Variants in AHNAK observed in about 807,000 individuals in gnomAD.
The protein encoded by AHNAK is neuroblast differentiation-associated protein AHNAK.
Under a neutral mutation model 37.8 loss-of-function variants are expected in AHNAK, and 23 were observed. The ratio of observed to expected loss-of-function variants is 0.61; its 90% confidence interval spans 0.44 to 0.86. The LOEUF (loss-of-function observed/expected upper bound fraction) is 0.86. AHNAK is among the 40% of genes least tolerant of loss of function. The pLI is 0.00. For synonymous variants in AHNAK, 2,481 were observed against 2,636.3 expected (o/e 0.94, Z 1.80); for missense variants, 7,411 against 7,319.4 (o/e 1.01, Z -0.46).
chr11:62,457,921 T>C (rs1323762536), intron 5 of AHNAK, among the ~76,000 whole-genome samples: 9 of 150,888 alleles, frequency 6.0e-5, no homozygotes. Context: ...TTTTTTTTTT[T>C]TTTTTTTTTG....
intron 5 of AHNAK, among the ~76,000 whole-genome samples, chr11:62,470,114 C>T (rs559401410): frequency 2.3e-4 from 35 of 151,870 alleles, no homozygotes; most frequent in Middle Eastern, 3.4e-3. Flanking sequence ...ACCATCCTGG[C>T]CAACATAGTG....
At position 62,517,453 on chromosome 11, in the gene AHNAK, T is replaced by A; in HGVS notation, c.16964A>T (p.Lys5655Ile). Residue 5655 changes from lysine (K) to isoleucine (I), a missense_variant, in exon 5 of 5, where the codon AAA becomes ATA. Physicochemically the swap from Lys to Ile is moderately radical, Grantham distance 102. Coordinates refer to ENST00000378024, the MANE Select transcript of AHNAK (RefSeq NM_001620.3). ...GATCTTCATTTTAGGGAATGTTACTTTTCCAGATCCACTTTCCAAGTGACC... is the reference window on the plus strand; with the variant it reads ...GATCTTCATTTTAGGGAATGTTACTATTCCAGATCCACTTTCCAAGTGACC... The part of the protein sequence containing the change: ...PQGHLESGSG[K>I]VTFPKMKIPK... 6.2e-7 allele frequency: 1 copy of A among 1,614,150 alleles called. No homozygotes were observed. The highest frequency in any genetic ancestry group is 8.5e-7 in the Non-Finnish European group (1 of 1,180,034).
intron 5 of AHNAK, among the ~76,000 whole-genome samples, chr11:62,472,391 C>G (rs11231098): frequency 0.76 from 115,668 of 151,980 alleles, 50,335 homozygotes; most frequent in Non-Finnish European, 0.96. Flanking sequence ...CCAGTCCTCA[C>G]AACTGTTCTT....
rs186437741 is a variant in AHNAK, at chr11:62,471,295, G to T, written c.442+20437C>A. ...GGGGGGCTTTGGTTGTCGCAACTAG[G>T]GGGGGCTTCCACTGGCATCCAGTGG... is the stretch of plus-strand genomic sequence containing the variant. On this transcript the variant is annotated intron_variant, in intron 5 of 5. Coordinates refer to the AHNAK transcript ENST00000257247. Among the ~76,000 whole-genome samples the T allele has an allele frequency of 2.8e-4, 43 of 152,176 alleles. 1 individual carries two copies. The East Asian group carries it at 7.1e-3, about 25-fold the overall frequency.
chr11:62,492,477 A>G (rs1267095657), intron 4 of AHNAK, among the ~76,000 whole-genome samples: 1 of 152,220 alleles, frequency 6.6e-6, no homozygotes, highest in Non-Finnish European at 1.5e-5. Context: ...TCTGGCAGCA[A>G]CACTGAAACC....
At position 62,532,195 on chromosome 11, in the gene AHNAK, T is replaced by C. The variant is rs748294385; in HGVS notation, c.2222A>G (p.His741Arg). 6.2e-6 allele frequency: 10 copies of C among 1,614,076 alleles called. No homozygotes were observed. The highest frequency in any genetic ancestry group is 8.5e-6 in the Non-Finnish European group (10 of 1,180,038). ...CATCTTCAAGTGCCAGTCTGGGCCA[T>C]GAACATCCACATCTGGGGCATCAAT... ...VDIDAPDVDVHGPDWHLKMPK... is the reference protein window; with the variant it reads ...VDIDAPDVDVRGPDWHLKMPK... Residue 741 changes from histidine (H) to arginine (R), a missense_variant, in exon 5 of 5, where the codon CAT (histidine) becomes CGT (arginine). Coordinates refer to ENST00000378024, the MANE Select transcript of AHNAK (RefSeq NM_001620.3).
chr11:62,526,370 T>A lies in AHNAK; in HGVS notation c.8047A>T (p.Ile2683Phe). ...TTCAACTTTCCCTCTGGTCCTTCAA[T>A]GTTAACATCAGGGCCTTCAATGTCC... is the stretch of plus-strand genomic sequence containing the variant. The part of the protein sequence containing the change: ...KVDIEGPDVN[I>F]EGPEGKLKGP... The change falls in exon 5 of 5, where the codon ATT (isoleucine) becomes TTT (phenylalanine). Residue 2683 changes from isoleucine to phenylalanine, a missense_variant. Ile to Phe is a conservative substitution (Grantham distance 21). Coordinates refer to ENST00000378024, the MANE Select transcript of AHNAK (RefSeq NM_001620.3). The A allele has an allele frequency of 6.2e-7, 1 of 1,610,436 alleles. No homozygotes were observed. Among genetic ancestry groups the A allele is most frequent in the Non-Finnish European group, 8.5e-7 (1 of 1,179,010 alleles).
intron 5 of AHNAK, among the ~76,000 whole-genome samples, chr11:62,435,308 T>C (rs1404661338): frequency 6.6e-6 from 1 of 152,232 alleles, no homozygotes; most frequent in Non-Finnish European, 1.5e-5. Context: ...ACTTCTTTCT[T>C]CCAAATGTGT....
At position 62,532,610 on chromosome 11, in the gene AHNAK, C is replaced by A. The variant is rs1400581595; in HGVS notation, c.1807G>T (p.Val603Phe). 2 of 1,614,188 alleles carry A rather than the reference C, an allele frequency of 1.2e-6. No homozygotes were observed. Among genetic ancestry groups the A allele is most frequent in the Non-Finnish European group, 1.7e-6 (2 of 1,180,052 alleles). Residue 603 changes from valine (V) to phenylalanine (F), a missense_variant, in exon 5 of 5, where the codon GTT becomes TTT. Coordinates refer to ENST00000378024, the MANE Select transcript of AHNAK (RefSeq NM_001620.3). The stretch of plus-strand genomic sequence containing the variant: ...TCCACTTTGGGGCCTCTGACATCAA[C>A]TTCAGGGACTTTGACTTTCCCTTCT... The part of the protein sequence containing the change: ...RVEGKVKVPE[V>F]DVRGPKVDVS...
intron 5 of AHNAK, among the ~76,000 whole-genome samples, chr11:62,446,182 C>T (rs1236100864): frequency 6.6e-6 from 1 of 152,022 alleles, no homozygotes. Flanking sequence ...AGAAGAGCTG[C>T]CAACCCACCC....
Position 62,527,455 on chromosome 11 carries a change from A to T in AHNAK, c.6962T>A (p.Leu2321Ter). The T allele has an allele frequency of 6.2e-7, 1 of 1,614,150 alleles. No homozygotes were observed. The highest frequency in any genetic ancestry group is 8.5e-7 in the Non-Finnish European group (1 of 1,180,020). Residue 2321 changes from leucine to a stop codon, truncating the protein, a stop_gained, in exon 5 of 5, where the codon TTA becomes TAA. Transcript: ENST00000378024. LOFTEE classifies it low-confidence loss of function (END_TRUNC). ...ATCTCCTTTGATTTTGGGTCCCTTTAAATTGAAATCAACATCAGGCATGGA... is the reference window on the plus strand; with the variant it reads ...ATCTCCTTTGATTTTGGGTCCCTTTTAATTGAAATCAACATCAGGCATGGA... ...KISMPDVDFN[L>*]KGPKIKGDVD...
chr11:62,477,476 T>C (rs1337985845), intron 5 of AHNAK, among the ~76,000 whole-genome samples: 2 of 152,170 alleles, frequency 1.3e-5, no homozygotes, highest in East Asian at 3.9e-4. Flanking sequence ...AGTGTACCTA[T>C]GTAGCAAACA....
chr11:62,525,621 A>G lies in AHNAK; in HGVS notation c.8796T>C (p.Val2932=). ...DVDVSGPKVD[V]EGPDVNIEGP... is the part of the protein sequence containing the mutation. ...CTTCAATGTTAACATCAGGGCCTTC[A>G]ACGTCCACTTTGGGGCCTGAGACAT... is the stretch of plus-strand genomic sequence containing the variant. Residue 2932 remains valine, a synonymous_variant, in exon 5 of 5, where the codon GTT becomes GTC. Coordinates refer to ENST00000378024, the MANE Select transcript of AHNAK (RefSeq NM_001620.3). 6.2e-7 allele frequency: 1 copy of G among 1,613,004 alleles called. No homozygotes were observed. The highest frequency in any genetic ancestry group is 8.5e-7 in the Non-Finnish European group (1 of 1,179,804).
In AHNAK at chr11:62,532,619, C is replaced by G. The variant is rs779353768; in HGVS notation, c.1798G>C (p.Val600Leu). Reference sequence around the variant, plus strand: ...GGGCCTCTGACATCAACTTCAGGGACTTTGACTTTCCCTTCTACTCTGGGG... The same window carrying G: ...GGGCCTCTGACATCAACTTCAGGGAGTTTGACTTTCCCTTCTACTCTGGGG... ...TLPRVEGKVK[V>L]PEVDVRGPKV... Residue 600 changes from valine to leucine, a missense_variant, in exon 5 of 5, where the codon GTC (valine) becomes CTC (leucine). Coordinates refer to ENST00000378024, the MANE Select transcript of AHNAK (RefSeq NM_001620.3). 22 of 1,614,040 alleles carry G rather than the reference C, an allele frequency of 1.4e-5. No individual in the cohort carries two copies. In the Middle Eastern group the frequency reaches 4.9e-4, roughly 36 times the overall value.
chr11:62,530,053 T>A lies in AHNAK; in HGVS notation c.4364A>T (p.Asp1455Val), dbSNP rs1590673977. ...AGGACCTTTCAAATGCAAACCAACA[T>A]CTGGTATGGATATCTTCTGAGGCTT... ...SIKPQKISIP[D>V]VGLHLKGPKM... The change falls in exon 5 of 5, where the codon GAT becomes GTT. Residue 1455 changes from aspartate (D) to valine (V), a missense_variant. Physicochemically the swap from Asp to Val is radical, Grantham distance 152. Coordinates refer to ENST00000378024, the MANE Select transcript of AHNAK (RefSeq NM_001620.3). The A allele has an allele frequency of 6.2e-7, 1 of 1,613,932 alleles. No homozygotes were observed. The highest frequency in any genetic ancestry group is 8.5e-7 in the Non-Finnish European group (1 of 1,179,956).
chr11:62,485,463 G>A (rs1047741722), intron 5 of AHNAK, among the ~76,000 whole-genome samples: 16 of 151,992 alleles, frequency 1.1e-4, no homozygotes, highest in South Asian at 8.3e-4. Flanking sequence ...AGCACTTTGG[G>A]AGTCCGAGGC....
rs1333242417 is a variant in AHNAK, at chr11:62,530,297, G to A, written c.4120C>T (p.His1374Tyr). 6.2e-6 allele frequency: 10 copies of A among 1,613,176 alleles called. No individual in the cohort carries two copies. The highest frequency in any genetic ancestry group is 4.5e-5 in the East Asian group (2 of 44,824). ...VDISAPDVDV[H>Y]GPDWHLKMPK... The stretch of plus-strand genomic sequence containing the variant: ...ATCTTCAGGTGCCAATCTGGGCCAT[G>A]AACATCCACATCTGGAGCACTAATG... Residue 1374 changes from histidine to tyrosine, a missense_variant, in exon 5 of 5, where the codon CAT (histidine) becomes TAT (tyrosine). Physicochemically the swap from His to Tyr is moderately conservative, Grantham distance 83. Coordinates refer to ENST00000378024, the MANE Select transcript of AHNAK (RefSeq NM_001620.3).
At chr11:62,456,703 C>A (rs1193878325) in intron 5 of AHNAK, among the ~76,000 whole-genome samples, 1 of 152,160 alleles carries the variant, frequency 6.6e-6, no homozygotes, top group Non-Finnish European at 1.5e-5. Context: ...CACAGCAGAG[C>A]CCTGCCTCCT....
chr11:62,521,587 A>G lies in AHNAK; in HGVS notation c.12830T>C (p.Val4277Ala). 2 of 1,611,828 alleles carry G rather than the reference A, an allele frequency of 1.2e-6. No individual in the cohort carries two copies. Among genetic ancestry groups the G allele is most frequent in the Non-Finnish European group, 1.7e-6 (2 of 1,179,498 alleles). ...GTCACCTTCCACTTTAGGAAGGGAA[A>G]CATCCACATCACCCTTCACCTTGGG... ...KGPKVKGDVDVSLPKVEGDLK... is the reference protein window; with the variant it reads ...KGPKVKGDVDASLPKVEGDLK... Residue 4277 changes from valine to alanine, a missense_variant, in exon 5 of 5, where the codon GTT becomes GCT. Val to Ala is a moderately conservative substitution (Grantham distance 64). Transcript: ENST00000378024.
Sources: gnomAD v4.1 joint callset for allele counts (sites outside exome capture counted in the v4.1 genomes callset) on GRCh38, gnomAD v4.1.1 for gene constraint, MANE v1.5 for transcripts, NCBI Gene and HGNC (gene_info 2026-07-23, HGNC 2026-07-21) for gene names.